The following BTBD10 variants were observed in gnomAD, a reference collection of about 807,000 sequenced individuals.
The protein encoded by BTBD10 is BTB/POZ domain-containing protein 10.
Under a neutral mutation model 53.2 loss-of-function variants are expected in BTBD10, and 21 were observed. That is an observed-to-expected ratio of 0.39 (90% CI 0.28 to 0.57). BTBD10 has a LOEUF of 0.57. BTBD10 is among the 20% of genes least tolerant of loss of function. The pLI is 0.53. For missense variants in BTBD10, 360 were observed against 594.7 expected, an observed-to-expected ratio of 0.61 and a Z score of 4.10; for synonymous variants, 149 against 192.7, an observed-to-expected ratio of 0.77 and a Z score of 1.88.
intron 8 of BTBD10, among the ~76,000 whole-genome samples, chr11:13,398,073 C>G (rs565088029): frequency 7.2e-5 from 11 of 152,272 alleles, no homozygotes; most frequent in Non-Finnish European, 1.0e-4. Flanking sequence ...TGGTGCAGAG[C>G]TGAGTTCAAT....
chr11:13,415,400 G>T (rs568735679), intron 5 of BTBD10, among the ~76,000 whole-genome samples: 1 of 152,128 alleles, frequency 6.6e-6, no homozygotes, highest in Non-Finnish European at 1.5e-5. Context: ...TGCCCCAGGC[G>T]CAGTGTTTCT....
At chr11:13,417,883 A>T (rs1950153118) in intron 4 of BTBD10, among the ~76,000 whole-genome samples, 1 of 152,222 alleles carries the variant, frequency 6.6e-6, no homozygotes, top group South Asian at 2.1e-4. Context: ...AAATAAATTT[A>T]AAAAGCTCTT....
chr11:13,423,635 A>C (rs1225923962), intron 2 of BTBD10, among the ~76,000 whole-genome samples: 1 of 152,184 alleles, frequency 6.6e-6, no homozygotes, highest in African/African-American at 2.4e-5. Flanking sequence ...TAGCAAAACC[A>C]CACGAGTTAA....
intron 8 of BTBD10, among the ~76,000 whole-genome samples, chr11:13,401,526 A>G (rs1212043078): frequency 1.3e-5 from 2 of 152,200 alleles, no homozygotes; most frequent in African/African-American, 4.8e-5. Flanking sequence ...AGAAGGTTTC[A>G]GAGGATTTAA....
rs201102868 is a variant in BTBD10 at position 13,388,979 on chromosome 11, T to C, written c.1280A>G (p.Asn427Ser). ...FQCVKSKSIT[N>S]LAAAAADIPQ... ...AATGTCTGCTGCAGCTGCTGCAAGA[T>C]TGGTGATAGATTTACTCTTTACACA... is the stretch of plus-strand genomic sequence containing the variant. Residue 427 changes from asparagine to serine, a missense_variant, in exon 9 of 9, where the codon AAT becomes AGT. This residue lies in a region of BTBD10 where 52 missense variants were observed against 180.4 expected (regional missense o/e 0.29). Transcript: ENST00000278174. The C allele has an allele frequency of 8.1e-6, 13 of 1,614,166 alleles. No individual in the cohort carries two copies. The highest frequency in any genetic ancestry group is 1.1e-5 in the South Asian group (1 of 91,084).
At chr11:13,432,272 A>G (rs1950462909) in intron 2 of BTBD10, among the ~76,000 whole-genome samples, 2 of 152,142 alleles carry the variant, frequency 1.3e-5, no homozygotes, top group Non-Finnish European at 2.9e-5. Context: ...GAAGAGTTCT[A>G]TATCCTGATT....
At chr11:13,409,512 C>T (rs1949896344) in intron 6 of BTBD10, among the ~76,000 whole-genome samples, 1 of 152,072 alleles carries the variant, frequency 6.6e-6, no homozygotes, top group Admixed American at 6.6e-5. Context: ...CCTCTCAGGC[C>T]TTATTCCTCA....
chr11:13,412,975 A>G (rs1457124599), intron 6 of BTBD10, among the ~76,000 whole-genome samples: 1 of 152,320 alleles, frequency 6.6e-6, no homozygotes, highest in East Asian at 1.9e-4. Context: ...AATACCAATC[A>G]AAGAGTTGGG....
At chr11:13,414,737 G>A (rs1168861188) in intron 5 of BTBD10, among the ~76,000 whole-genome samples, 1 of 150,846 alleles carries the variant, frequency 6.6e-6, no homozygotes, top group Non-Finnish European at 1.5e-5. Flanking sequence ...CTACTCAAGA[G>A]GCTAAGGCAG....
chr11:13,397,328 T>C (rs921738848), intron 8 of BTBD10, among the ~76,000 whole-genome samples: 14 of 152,376 alleles, frequency 9.2e-5, no homozygotes, highest in Middle Eastern at 3.4e-3. Flanking sequence ...TTTATTTGCA[T>C]AGAGGTGTTT....
intron 1 of BTBD10, among the ~76,000 whole-genome samples, chr11:13,461,862 T>A (rs1302655343): frequency 6.6e-6 from 1 of 152,022 alleles, no homozygotes; most frequent in African/African-American, 2.4e-5. Flanking sequence ...TGTTAGGTCA[T>A]ACACGCTGAG....
rs549935915 is a variant in BTBD10 at position 13,423,430 on chromosome 11, G to A, written c.102-1592C>T. The stretch of plus-strand genomic sequence containing the variant: ...TGAACTATAATAAGTAAGCTGACCA[G>A]CAACGTACCTGGCACGACATAATTA... On this transcript the variant is annotated intron_variant, in intron 2 of 8. Coordinates refer to ENST00000278174, the MANE Select transcript of BTBD10 (RefSeq NM_032320.7). Among the ~76,000 whole-genome samples, 108 of 152,258 alleles carry A rather than the reference G, an allele frequency of 7.1e-4. 2 individuals are homozygous for A. The highest frequency in any genetic ancestry group is 2.5e-3 in the African/African-American group (105 of 41,558).
At chr11:13,432,284 T>G (rs1950463142) in intron 2 of BTBD10, among the ~76,000 whole-genome samples, 1 of 151,990 alleles carries the variant, frequency 6.6e-6, no homozygotes, top group Non-Finnish European at 1.5e-5. Context: ...ATCCTGATTG[T>G]GGTGGGAGTT....
intron 1 of BTBD10, among the ~76,000 whole-genome samples, chr11:13,449,055 T>G (rs1591169349): frequency 6.6e-6 from 1 of 152,128 alleles, no homozygotes; most frequent in Non-Finnish European, 1.5e-5. Context: ...CTGCCAAAAG[T>G]TAACTGAGAA....
chr11:13,397,159 T>A (rs1949573965), intron 8 of BTBD10, among the ~76,000 whole-genome samples: 1 of 152,246 alleles, frequency 6.6e-6, no homozygotes, highest in Non-Finnish European at 1.5e-5. Context: ...TGTCTGTGAA[T>A]CCATCTGGTC....
intron 1 of BTBD10, among the ~76,000 whole-genome samples, chr11:13,446,720 AAATC>A (rs1950754924): frequency 6.6e-6 from 1 of 152,194 alleles, no homozygotes; most frequent in Non-Finnish European, 1.5e-5. Context: ...ACTGTATCAT[AAATC>A]AATCAGGTAT....
chr11:13,424,092 A>T (rs1056304000), intron 2 of BTBD10, among the ~76,000 whole-genome samples: 1 of 152,212 alleles, frequency 6.6e-6, no homozygotes, highest in African/African-American at 2.4e-5. Flanking sequence ...ATCCACATTA[A>T]ATAGAACAAA....
chr11:13,422,123 G>C (rs1197665856), intron 2 of BTBD10, among the ~76,000 whole-genome samples: 1 of 152,178 alleles, frequency 6.6e-6, no homozygotes, highest in Non-Finnish European at 1.5e-5. Flanking sequence ...AGTAATAATA[G>C]TAGTAGATCA....
chr11:13,431,062 C>T (rs1015227786), intron 2 of BTBD10, among the ~76,000 whole-genome samples: 1 of 151,570 alleles, frequency 6.6e-6, no homozygotes, highest in Admixed American at 6.6e-5. Context: ...AACACAGCTG[C>T]CTGAGAATAC....
Sources: gnomAD v4.1 joint callset for allele counts (sites outside exome capture counted in the v4.1 genomes callset) on GRCh38, gnomAD v4.1.1 for gene constraint, gnomAD v4.1.1 regional missense constraint, MANE v1.5 for transcripts, NCBI Gene and HGNC (gene_info 2026-07-23, HGNC 2026-07-21) for gene names.